Variants in CDK7 observed in about 807,000 individuals in gnomAD.
CDK7 encodes the protein cyclin dependent kinase 7, also known as cyclin-dependent kinase 7.
A neutral mutation model predicts 49.1 loss-of-function variants in CDK7; 25 were observed. The observed-to-expected ratio is 0.51, with a 90% CI of 0.37 to 0.71. The LOEUF (loss-of-function observed/expected upper bound fraction) is 0.71. CDK7 is among the 30% of genes least tolerant of loss of function. CDK7 has a pLI of 0.00. For synonymous variants in CDK7, 107 were observed against 140.0 expected, an observed-to-expected ratio of 0.76 and a Z score of 1.67; for missense variants, 316 against 411.7, an observed-to-expected ratio of 0.77 and a Z score of 2.01.
intron 2 of CDK7, among the ~76,000 whole-genome samples, chr5:69,242,248 C>T (rs906999761): frequency 6.6e-6 from 1 of 152,092 alleles, no homozygotes; most frequent in Non-Finnish European, 1.5e-5. Flanking sequence ...CCTGAGAATT[C>T]GGGGGCTAGG....
chr5:69,271,526 T>C (rs1751542745), intron 9 of CDK7, among the ~76,000 whole-genome samples: 1 of 151,622 alleles, frequency 6.6e-6, no homozygotes, highest in South Asian at 2.1e-4. Context: ...TTTTTTTTTT[T>C]TTTCAAGACA....
intron 2 of CDK7, among the ~76,000 whole-genome samples, chr5:69,241,686 T>G (rs1255686651): frequency 6.6e-6 from 1 of 152,194 alleles, no homozygotes; most frequent in East Asian, 1.9e-4. Context: ...TTTCTTATGC[T>G]GTCTGCCATT....
At chr5:69,235,141 C>A in intron 1 of CDK7, 100 bp downstream of exon 1, 1 of 1,166,124 alleles carries the variant, frequency 8.6e-7, no homozygotes, top group Non-Finnish European at 1.2e-6. Flanking sequence ...TCTGGCTTGG[C>A]TGCTCGTTCT....
At chr5:69,244,795 C>T (rs1316497000) in intron 2 of CDK7, among the ~76,000 whole-genome samples, 2 of 151,938 alleles carry the variant, frequency 1.3e-5, no homozygotes, top group East Asian at 3.9e-4. Context: ...CAGTTTTTCC[C>T]CATTCTGTAT....
intron 3 of CDK7, among the ~76,000 whole-genome samples, chr5:69,253,154 T>G (rs1021918804): frequency 1.3e-5 from 2 of 152,230 alleles, no homozygotes; most frequent in Non-Finnish European, 2.9e-5. Context: ...CATGAGGAAA[T>G]TATTTCATTA....
intron 10 of CDK7, among the ~76,000 whole-genome samples, chr5:69,276,068 C>T (rs367676993): frequency 2.2e-4 from 34 of 152,154 alleles, no homozygotes; most frequent in African/African-American, 7.5e-4. Flanking sequence ...CTTGCTCTGT[C>T]GCCCAGGCTG....
At chr5:69,246,021 CT>C (rs1321227243) in intron 2 of CDK7, among the ~76,000 whole-genome samples, 1 of 152,116 alleles carries the variant, frequency 6.6e-6, no homozygotes, top group African/African-American at 2.4e-5. Context: ...CATTTTCTGC[CT>C]GGCATGTACC....
In CDK7 at chr5:69,264,857, C is replaced by G. The variant is rs185956030; in HGVS notation, c.627+2553C>G. 3.9e-5 allele frequency among the ~76,000 whole-genome samples: 6 copies of G among 152,180 alleles called. No individual in the cohort carries two copies. In the East Asian group the frequency reaches 1.2e-3, roughly 29 times the overall value. Reference sequence around the variant, plus strand: ...TGGTGGCACATGCCTGTAATCCCAGCTACTCAGGAGGCTGAGGCAGGAGAA... The same window carrying G: ...TGGTGGCACATGCCTGTAATCCCAGGTACTCAGGAGGCTGAGGCAGGAGAA... On this transcript the variant is annotated intron_variant, in intron 8 of 11. Coordinates refer to ENST00000256443, the MANE Select transcript of CDK7 (RefSeq NM_001799.4).
chr5:69,235,068 G>A (rs993097284), intron 1 of CDK7, 27 bp downstream of exon 1: 1 of 1,580,624 alleles, frequency 6.3e-7, no homozygotes, highest in Non-Finnish European at 8.6e-7. Context: ...GGACGGGGAG[G>A]GCCCCAAGCG....
intron 9 of CDK7, among the ~76,000 whole-genome samples, chr5:69,271,486 C>G (rs1162797574): frequency 6.6e-6 from 1 of 150,762 alleles, no homozygotes; most frequent in Non-Finnish European, 1.5e-5. Flanking sequence ...TTTGCCCAGC[C>G]CAAAGATTTT....
intron 8 of CDK7, among the ~76,000 whole-genome samples, chr5:69,264,034 C>G (rs1750994747): frequency 6.6e-6 from 1 of 152,184 alleles, no homozygotes; most frequent in African/African-American, 2.4e-5. Context: ...AGAAATGTTG[C>G]CCATATGAAT....
intron 2 of CDK7, among the ~76,000 whole-genome samples, chr5:69,241,736 G>A (rs910367558): frequency 8.6e-5 from 13 of 151,922 alleles, no homozygotes; most frequent in African/African-American, 2.4e-4. Flanking sequence ...CAGATCTTTC[G>A]CCCATTTTTA....
chr5:69,255,027 A>G (rs1294389569), intron 4 of CDK7, among the ~76,000 whole-genome samples: 1 of 152,224 alleles, frequency 6.6e-6, no homozygotes, highest in Non-Finnish European at 1.5e-5. Flanking sequence ...CTCATAGGGA[A>G]GTTGTGAGAC....
At chr5:69,245,344 A>AT (rs1749681709) in intron 2 of CDK7, among the ~76,000 whole-genome samples, 4 of 80,206 alleles carry the variant, frequency 5.0e-5, no homozygotes, top group Non-Finnish European at 9.4e-5. Flanking sequence ...CTACCCTCTT[A>AT]TTTTTTTAAT....
chr5:69,242,882 C>A (rs988581370), intron 2 of CDK7, among the ~76,000 whole-genome samples: 1 of 152,112 alleles, frequency 6.6e-6, no homozygotes, highest in African/African-American at 2.4e-5. Context: ...CCTGTCTCTA[C>A]TAAAAATACA....
chr5:69,248,794 T>TC (rs1309341995), intron 2 of CDK7, among the ~76,000 whole-genome samples: 1 of 106,734 alleles, frequency 9.4e-6, no homozygotes, highest in African/African-American at 3.9e-5. Flanking sequence ...TCTTTTCTTT[T>TC]TTTTTTTCTT....
At chr5:69,258,301 T>G (rs1750610534) in intron 6 of CDK7, 148 bp downstream of exon 6, 1 of 520,670 alleles carries the variant, frequency 1.9e-6, no homozygotes, top group African/African-American at 2.0e-5. Flanking sequence ...TTCCCTTCAC[T>G]TGTTCCAGCA....
intron 7 of CDK7, among the ~76,000 whole-genome samples, chr5:69,260,947 A>G (rs1393149890): frequency 2.6e-5 from 4 of 152,080 alleles, no homozygotes; most frequent in African/African-American, 9.7e-5. Flanking sequence ...CCTTCCAAGT[A>G]TCTGGGGCCA....
At chr5:69,253,235 G>A (rs770662708) in intron 3 of CDK7, among the ~76,000 whole-genome samples, 10 of 152,148 alleles carry the variant, frequency 6.6e-5, no homozygotes, top group Admixed American at 5.2e-4. Context: ...CCCATTGTCT[G>A]TGTAAGTGCC....
Sources: allele counts gnomAD v4.1 joint callset (sites outside exome capture counted in the v4.1 genomes callset), GRCh38; gene constraint gnomAD v4.1.1; transcripts MANE v1.5; gene names NCBI Gene and HGNC (gene_info 2026-07-23, HGNC 2026-07-21).